MYEF2: variants seen among roughly 807,000 people sequenced by gnomAD.
MYEF2 encodes the protein myelin gene expression factor 2.
In MYEF2, 37 loss-of-function variants were observed where a neutral mutation model predicts 75.2. That is an observed-to-expected ratio of 0.49 (90% CI 0.38 to 0.65). MYEF2 has a LOEUF of 0.65. Among genes scored for constraint, MYEF2 ranks in the 30% least tolerant of loss-of-function variants. The probability of loss-of-function intolerance (pLI) is 0.00; values close to 1 mark genes in which losing one functional copy is unlikely to be tolerated. For missense variants in MYEF2, 634 were observed against 771.4 expected (o/e 0.82, Z 2.11); for synonymous variants, 195 against 241.6 (o/e 0.81, Z 1.79).
chr15:48,164,682 C>T (rs1053958097), intron 5 of MYEF2, among the ~76,000 whole-genome samples: 2 of 152,144 alleles, frequency 1.3e-5, no homozygotes, highest in African/African-American at 4.8e-5. Flanking sequence ...GAAATTGCAA[C>T]AGCCACCCCA....
chr15:48,153,941 A>T, intron 9 of MYEF2, 48 bp from the exon 10 acceptor site: 1 of 1,492,572 alleles, frequency 6.7e-7, no homozygotes, highest in Non-Finnish European at 9.2e-7. Flanking sequence ...TATATGATTA[A>T]CTAATTGGCA....
chr15:48,154,139 C>A (rs1373136693), intron 9 of MYEF2: 3 of 314,874 alleles, frequency 9.5e-6, no homozygotes, highest in African/African-American at 6.5e-5. Context: ...CACCTTATAC[C>A]CCACTTAAAG....
intron 5 of MYEF2, among the ~76,000 whole-genome samples, chr15:48,164,174 T>A (rs2040053998): frequency 6.6e-6 from 1 of 152,200 alleles, no homozygotes. Flanking sequence ...ATTCTAGATG[T>A]CATTAAGAAC....
At chr15:48,148,114 T>C (rs926468318) in intron 16 of MYEF2, among the ~76,000 whole-genome samples, 6 of 152,172 alleles carry the variant, frequency 3.9e-5, no homozygotes, top group African/African-American at 1.4e-4. Context: ...AAGGCTATTT[T>C]GTGACAGAAC....
intron 3 of MYEF2, among the ~76,000 whole-genome samples, chr15:48,166,533 A>C (rs1246789562): frequency 6.6e-6 from 1 of 152,002 alleles, no homozygotes; most frequent in Non-Finnish European, 1.5e-5. Context: ...ACTCTATTAA[A>C]ATCAAAATAG....
chr15:48,160,389 CT>C (rs2039890803), intron 5 of MYEF2, among the ~76,000 whole-genome samples: 1 of 151,632 alleles, frequency 6.6e-6, no homozygotes, highest in Non-Finnish European at 1.5e-5. Flanking sequence ...TAAAGGAGGG[CT>C]AAATGTCCAA....
At chr15:48,163,079 A>C (rs925033952) in intron 5 of MYEF2, among the ~76,000 whole-genome samples, 1 of 152,200 alleles carries the variant, frequency 6.6e-6, no homozygotes, top group Non-Finnish European at 1.5e-5. Flanking sequence ...CTTGCATCGA[A>C]GTTCCTGAAG....
At position 48,134,914 on chromosome 15, in the gene MYEF2, A is replaced by G. The variant is rs1939416863; in HGVS notation, c.*7994T>C. On this transcript the variant is annotated 3_prime_UTR_variant, in exon 17 of 17. Transcript: ENST00000324324. ...AACACTATCATGTTGGCCCCTATTC[A>G]GAGACTGTGCAGCGTACACAATTAG... 6.2e-7 allele frequency: 1 copy of G among 1,612,346 alleles called. No homozygotes were observed. The highest frequency in any genetic ancestry group is 1.1e-5 in the South Asian group (1 of 90,724).
chr15:48,163,601 A>G (rs1232358538), intron 5 of MYEF2, among the ~76,000 whole-genome samples: 2 of 152,220 alleles, frequency 1.3e-5, no homozygotes, highest in Admixed American at 6.5e-5. Context: ...ACAGTCTTCT[A>G]TAGAAAGAAG....
chr15:48,149,042 G>T lies in MYEF2; in HGVS notation c.1629C>A (p.Phe543Leu). Residue 543 changes from phenylalanine to leucine, a missense_variant, in exon 16 of 17, where the codon TTC becomes TTA. Coordinates refer to ENST00000324324, the MANE Select transcript of MYEF2 (RefSeq NM_016132.5). This position sits in a 1 kb window ranked among gnomAD's most constrained non-coding sequence, Gnocchi z 4.0. The stretch of plus-strand genomic sequence containing the variant: ...CATTTGCATACTTACCACACTGACT[G>T]AATTTCTCTTTTAGTTTCTGCCAAG... ...DLTWQKLKEKFSQCGHVMFAE... is the reference protein window; with the variant it reads ...DLTWQKLKEKLSQCGHVMFAE... The T allele has an allele frequency of 6.2e-7, 1 of 1,613,012 alleles. No homozygotes were observed. Among genetic ancestry groups the T allele is most frequent in the South Asian group, 1.1e-5 (1 of 91,040 alleles).
intron 10 of MYEF2, 61 bp from the exon 11 acceptor site, chr15:48,152,345 TATA>T: frequency 7.3e-7 from 1 of 1,371,776 alleles, no homozygotes; most frequent in Non-Finnish European, 1.0e-6. Flanking sequence ...TAAAAGATGA[TATA>T]ATGCATTATA....
Position 48,135,074 on chromosome 15 carries a change from T to G in MYEF2, c.*7834A>C. On this transcript the variant is annotated 3_prime_UTR_variant, in exon 17 of 17. Transcript: ENST00000324324. Reference sequence around the variant, plus strand: ...TTTTTTTTCAGAAATGTTATTTCAGTCACTTAATCTGCCACTTCTATACCA... The same window carrying G: ...TTTTTTTTCAGAAATGTTATTTCAGGCACTTAATCTGCCACTTCTATACCA... The G allele has an allele frequency of 1.1e-6, 1 of 941,258 alleles. No individual in the cohort carries two copies. The highest frequency in any genetic ancestry group is 1.7e-6 in the Non-Finnish European group (1 of 602,278). 58.3% of individuals were successfully genotyped at this position (941,258 alleles called of 1,614,324 possible). A position where few individuals can be genotyped will look rare whatever the true frequency, so the allele number is the denominator to read the frequency against.
chr15:48,176,219 TAAAA>T (rs1023560411), intron 1 of MYEF2, among the ~76,000 whole-genome samples: 8 of 63,138 alleles, frequency 1.3e-4, no homozygotes, highest in Non-Finnish European at 2.8e-4. Context: ...GTTCACGAAG[TAAAA>T]AAAAAAAAAA....
At chr15:48,169,135 T>C (rs1169857510) in intron 1 of MYEF2, among the ~76,000 whole-genome samples, 1 of 152,180 alleles carries the variant, frequency 6.6e-6, no homozygotes, top group South Asian at 2.1e-4. Context: ...ATAAATGCTA[T>C]TAGACTGGAA....
At position 48,137,099 on chromosome 15, in the gene MYEF2, C is replaced by A; in HGVS notation, c.*5809G>T. 1.1e-6 allele frequency: 1 copy of A among 907,830 alleles called. No individual in the cohort carries two copies. The highest frequency in any genetic ancestry group is 1.6e-6 in the Non-Finnish European group (1 of 619,712). The allele number at this position is 907,830 out of a possible 1,614,324, so 56.2% of individuals were successfully genotyped here. ...GACTCAGAAATGATAAAGACCAAGT[C>A]CCTACCTTTAAGGAACTTCCAATAT... is the stretch of plus-strand genomic sequence containing the variant. On this transcript the variant is annotated 3_prime_UTR_variant, in exon 17 of 17. Transcript: ENST00000324324.
intron 7 of MYEF2, 30 bp downstream of exon 7, chr15:48,158,739 T>C: frequency 1.2e-6 from 2 of 1,612,602 alleles, no homozygotes; most frequent in Non-Finnish European, 1.7e-6. Flanking sequence ...TTCAACCTCA[T>C]AAACAATGCT....
chr15:48,161,143 A>G (rs1437245562), intron 5 of MYEF2, among the ~76,000 whole-genome samples: 2 of 152,082 alleles, frequency 1.3e-5, no homozygotes, highest in Non-Finnish European at 2.9e-5. Context: ...ATATACACAT[A>G]CAATACATGC....
At position 48,159,796 on chromosome 15, in the gene MYEF2, A is replaced by T; in HGVS notation, c.534T>A (p.Asp178Glu). Residue 178 changes from aspartate to glutamate, a missense_variant, in exon 6 of 17, where the codon GAT (aspartate) becomes GAA (glutamate). Physicochemically the swap from Asp to Glu is conservative, Grantham distance 45. Coordinates refer to ENST00000324324, the MANE Select transcript of MYEF2 (RefSeq NM_016132.5). ...GRPLNIKEDPDGENARRALQR... is the reference protein window; with the variant it reads ...GRPLNIKEDPEGENARRALQR... ...GCAATGCCCTACGAGCATTTTCTCC[A>T]TCAGGATCCTATAACACACATTGAA... 6.2e-7 allele frequency: 1 copy of T among 1,612,254 alleles called. No individual in the cohort carries two copies.
chr15:48,158,951 A>G, intron 6 of MYEF2, 29 bp from the exon 7 acceptor site: 1 of 1,596,118 alleles, frequency 6.3e-7, no homozygotes, highest in Non-Finnish European at 8.6e-7. Flanking sequence ...AAAGTTACAT[A>G]CCTAATAAAT....
Sources: allele counts gnomAD v4.1 joint callset (sites outside exome capture counted in the v4.1 genomes callset), GRCh38; gene constraint gnomAD v4.1.1; non-coding constraint Gnocchi (gnomAD v3.1); transcripts MANE v1.5; gene names NCBI Gene and HGNC (gene_info 2026-07-23, HGNC 2026-07-21).